Variants in AMACR observed in about 807,000 individuals in gnomAD.
AMACR encodes the protein 2-methylacyl-CoA racemase.
AMACR carries 18 observed loss-of-function variants against 22.2 expected under a neutral mutation model. The observed-to-expected ratio is 0.81, with a 90% CI of 0.56 to 1.20. The LOEUF is 1.20. Among genes scored for constraint, AMACR ranks in the 50% most tolerant of loss-of-function variants. The pLI is 0.00. For synonymous variants in AMACR, 213 were observed against 191.3 expected (o/e 1.11, Z -0.94); for missense variants, 499 against 490.6 (o/e 1.02, Z -0.16).
intron 3 of AMACR, 78 bp downstream of exon 3, chr5:34,004,496 C>T: frequency 6.3e-7 from 1 of 1,580,970 alleles, no homozygotes; most frequent in Non-Finnish European, 8.7e-7. Flanking sequence ...TTGTCTTCTT[C>T]TTCAAAAAAA....
At chr5:33,996,749 G>A (rs1753647436) in intron 4 of AMACR, among the ~76,000 whole-genome samples, 1 of 151,856 alleles carries the variant, frequency 6.6e-6, no homozygotes, top group African/African-American at 2.4e-5. Context: ...TCCAGCCTTG[G>A]CAACAGAGTG....
chr5:33,996,450 G>C (rs1468732886), intron 4 of AMACR, among the ~76,000 whole-genome samples: 1 of 152,064 alleles, frequency 6.6e-6, no homozygotes, highest in African/African-American at 2.4e-5. Context: ...AAGAAGTTAA[G>C]GCATATAGTG....
In AMACR at chr5:33,989,616, T is replaced by G; in HGVS notation, c.740-114A>C. 6 of 880,054 alleles carry G rather than the reference T, an allele frequency of 6.8e-6. 1 individual carries two copies. The South Asian group carries it at 9.5e-5, about 14-fold the overall frequency. The allele number at this position is 880,054 out of a possible 1,614,324, so 54.5% of individuals were successfully genotyped here. On this transcript the variant is annotated intron_variant, in intron 4 of 4. Transcript: ENST00000335606. The stretch of plus-strand genomic sequence containing the variant: ...GCAAAATAAGATGTTCTATAAGGGC[T>G]TCTCAAATGAGTCAAGAGAAAAAAA...
At chr5:34,003,243 C>T (rs890244059) in intron 3 of AMACR, among the ~76,000 whole-genome samples, 14 of 149,422 alleles carry the variant, frequency 9.4e-5, no homozygotes, top group Non-Finnish European at 1.6e-4. Context: ...CAAATAACTC[C>T]GAAATCTGTT....
intron 4 of AMACR, among the ~76,000 whole-genome samples, chr5:33,996,806 G>A (rs1447191348): frequency 1.3e-5 from 2 of 148,998 alleles, no homozygotes; most frequent in African/African-American, 5.1e-5. Flanking sequence ...AAAAAAAAAA[G>A]GTATTTAAGG....
chr5:34,005,588 G>A (rs1382972219), intron 2 of AMACR, among the ~76,000 whole-genome samples, 168 bp downstream of exon 2: 1 of 152,180 alleles, frequency 6.6e-6, no homozygotes, highest in African/African-American at 2.4e-5. Context: ...GGAAGGTTGA[G>A]AATGATTGTT....
chr5:34,007,814 A>C lies in AMACR; in HGVS notation c.206T>G (p.Leu69Arg), dbSNP rs915168123. The C allele has an allele frequency of 6.3e-7, 1 of 1,576,534 alleles. No homozygotes were observed. The highest frequency in any genetic ancestry group is 1.1e-5 in the South Asian group (1 of 88,264). Reference protein sequence around the residue: ...QPRGAAVLRRLCKRSDVLLEP... With the variant: ...QPRGAAVLRRRCKRSDVLLEP... Reference sequence around the variant, plus strand: ...CAGCAGCACATCCGACCGCTTGCACAGACGCCGCAGCACGGCGGCTCCCCG... The same window carrying C: ...CAGCAGCACATCCGACCGCTTGCACCGACGCCGCAGCACGGCGGCTCCCCG... Residue 69 changes from leucine to arginine, a missense_variant, in exon 1 of 5, where the codon CTG becomes CGG. Coordinates refer to ENST00000335606, the MANE Select transcript of AMACR (RefSeq NM_014324.6).
intron 4 of AMACR, among the ~76,000 whole-genome samples, chr5:33,991,899 G>A (rs1000516996): frequency 2.0e-4 from 30 of 151,870 alleles, no homozygotes; most frequent in African/African-American, 7.3e-4. Context: ...ATTTATTTAA[G>A]ACAGAGTCTC....
At position 33,988,971 on chromosome 5, in the gene AMACR, T is replaced by C; in HGVS notation, c.*122A>G. ...GTAGAATCAGAGTCTGTAATTCTTT[T>C]CTTGATTAGAGTGGTAGGACACTGT... On this transcript the variant is annotated 3_prime_UTR_variant, in exon 5 of 5. Coordinates refer to ENST00000335606, the MANE Select transcript of AMACR (RefSeq NM_014324.6). 1 of 1,520,076 alleles carries C rather than the reference T, an allele frequency of 6.6e-7. No individual in the cohort carries two copies. The highest frequency in any genetic ancestry group is 8.8e-7 in the Non-Finnish European group (1 of 1,135,204). The allele number at this position is 1,520,076 out of a possible 1,614,324, so 94.2% of individuals were successfully genotyped here. A position where few individuals can be genotyped will look rare whatever the true frequency, so the allele number is the denominator to read the frequency against.
Position 33,988,575 on chromosome 5 carries a change from T to C in AMACR, c.*518A>G. The C allele has an allele frequency of 7.4e-7, 1 of 1,350,386 alleles. No homozygotes were observed. Among genetic ancestry groups the C allele is most frequent in the Non-Finnish European group, 9.5e-7 (1 of 1,053,296 alleles). The allele number at this position is 1,350,386 out of a possible 1,614,324, so 83.7% of individuals were successfully genotyped here. On this transcript the variant is annotated 3_prime_UTR_variant, in exon 5 of 5. Transcript: ENST00000335606. ...TACAGGTGAAACTTTTCTTTGCAAATTACAAAGTGTGATAACTGTTGCTAA... is the reference window on the plus strand; with the variant it reads ...TACAGGTGAAACTTTTCTTTGCAAACTACAAAGTGTGATAACTGTTGCTAA...
chr5:34,001,862 G>A (rs1304023352), intron 3 of AMACR, among the ~76,000 whole-genome samples: 1 of 152,184 alleles, frequency 6.6e-6, no homozygotes, highest in Non-Finnish European at 1.5e-5. Context: ...TCCTAGTGAT[G>A]AAGTAATGAC....
chr5:33,990,481 C>A (rs1753441604), intron 4 of AMACR, among the ~76,000 whole-genome samples: 1 of 152,206 alleles, frequency 6.6e-6, no homozygotes, highest in Admixed American at 6.5e-5. Flanking sequence ...TCTACCCCTG[C>A]AGACATGCCC....
intron 3 of AMACR, among the ~76,000 whole-genome samples, chr5:33,999,435 A>G (rs1025269654): frequency 1.3e-5 from 2 of 152,218 alleles, no homozygotes; most frequent in African/African-American, 2.4e-5. Context: ...TTCTGAGTCC[A>G]GGCAAACTGG....
chr5:34,005,662 A>G, intron 2 of AMACR, 94 bp downstream of exon 2: 1 of 1,475,142 alleles, frequency 6.8e-7, no homozygotes, highest in African/African-American at 1.4e-5. Flanking sequence ...ATAAATGTTT[A>G]AATTTTTACC....
rs188848215 is a variant in AMACR at position 34,002,955 on chromosome 5, C to A, written c.552+1619G>T. On this transcript the variant is annotated intron_variant, in intron 3 of 4. Coordinates refer to ENST00000335606, the MANE Select transcript of AMACR (RefSeq NM_014324.6). ...CATGAACAGGAGAAGGAAGCGCAGG[C>A]TGAAGCTTTGGAGATGAGGGGGTTT... Among the ~76,000 whole-genome samples, 31 of 152,292 alleles carry A rather than the reference C, an allele frequency of 2.0e-4. No homozygotes were observed. The East Asian group carries it at 3.5e-3, about 17-fold the overall frequency.
chr5:34,006,374 C>T (rs1366931740), intron 1 of AMACR, among the ~76,000 whole-genome samples: 1 of 152,172 alleles, frequency 6.6e-6, no homozygotes, highest in Non-Finnish European at 1.5e-5. Flanking sequence ...GTTTAGCACC[C>T]ATCTGTAGAA....
At chr5:33,989,555 A>T in intron 4 of AMACR, 53 bp from the exon 5 acceptor site, 1 of 1,435,540 alleles carries the variant, frequency 7.0e-7, no homozygotes, top group East Asian at 2.3e-5. Flanking sequence ...GAGCAATTAT[A>T]ATCAATAAAA....
intron 4 of AMACR, among the ~76,000 whole-genome samples, chr5:33,991,956 G>A (rs1430537020): frequency 6.6e-6 from 1 of 152,010 alleles, no homozygotes; most frequent in Non-Finnish European, 1.5e-5. Flanking sequence ...TCGGCTCACT[G>A]CAACCTCCAC....
chr5:33,987,936 G>C lies in AMACR; in HGVS notation c.*1157C>G, dbSNP rs904373648. 4 of 164,142 alleles carry C rather than the reference G, an allele frequency of 2.4e-5. No individual in the cohort carries two copies. Among genetic ancestry groups the C allele is most frequent in the Non-Finnish European group, 5.2e-5 (4 of 76,328 alleles). The allele number at this position is 164,142 out of a possible 1,614,324, so 10.2% of individuals were successfully genotyped here. Reference sequence around the variant, plus strand: ...GCCACCATGAAAAAATCACTGAGGCGCTAAGGGAAACATGAACTAAGAAGC... The same window carrying C: ...GCCACCATGAAAAAATCACTGAGGCCCTAAGGGAAACATGAACTAAGAAGC... On this transcript the variant is annotated 3_prime_UTR_variant, in exon 5 of 5. Transcript: ENST00000335606.
Sources: gnomAD v4.1 joint callset for allele counts (sites outside exome capture counted in the v4.1 genomes callset) on GRCh38, gnomAD v4.1.1 for gene constraint, MANE v1.5 for transcripts, NCBI Gene and HGNC (gene_info 2026-07-23, HGNC 2026-07-21) for gene names.